Variants in HNRNPC observed in about 807,000 individuals in gnomAD.
The protein encoded by HNRNPC is heterogeneous nuclear ribonucleoprotein C.
Under a neutral mutation model 33.2 loss-of-function variants are expected in HNRNPC, and 3 were observed. The ratio of observed to expected loss-of-function variants is 0.09; its 90% CI spans 0.04 to 0.23. The LOEUF (loss-of-function observed/expected upper bound fraction) is 0.23. Among genes scored for constraint, HNRNPC ranks in the 10% least tolerant of loss-of-function variants. The probability of loss-of-function intolerance (pLI) is 1.00; values close to 1 mark genes in which losing one functional copy is unlikely to be tolerated. For synonymous variants in HNRNPC, 121 were observed against 126.7 expected (o/e 0.96, Z 0.30); for missense variants, 143 against 366.7 (o/e 0.39, Z 4.98).
chr14:21,223,375 A>C (rs1259752865), intron 5 of HNRNPC, among the ~76,000 whole-genome samples: 1 of 152,150 alleles, frequency 6.6e-6, no homozygotes, highest in Non-Finnish European at 1.5e-5. Context: ...CTACAAAGAA[A>C]TATCTCCCAC....
Position 21,210,427 on chromosome 14 carries a change from GCAT to G in HNRNPC, c.*793_*795del, listed in dbSNP as rs1413073382. On this transcript the variant is annotated 3_prime_UTR_variant, in exon 9 of 9. Transcript: ENST00000553300. ...AATTTGAGTAGTGTTGTGTTGGTAT[GCAT>G]CATGATTATGACTCCAAGAAAAATA... 1.3e-5 allele frequency: 2 copies of G among 152,504 alleles called. No homozygotes were observed. The highest frequency in any genetic ancestry group is 1.5e-5 in the Non-Finnish European group (1 of 68,038). 9.4% of individuals were successfully genotyped at this position (152,504 alleles called of 1,614,324 possible). A position where few individuals can be genotyped will look rare whatever the true frequency, so the allele number is the denominator to read the frequency against.
chr14:21,252,539 C>A (rs1351887020), intron 2 of HNRNPC, among the ~76,000 whole-genome samples: 3 of 152,212 alleles, frequency 2.0e-5, no homozygotes, highest in Non-Finnish European at 4.4e-5. Flanking sequence ...TCTCGAACTC[C>A]TGGCCTGAAG....
At chr14:21,231,312 A>G in intron 3 of HNRNPC, 1 of 611,264 alleles carries the variant, frequency 1.6e-6, no homozygotes, top group South Asian at 1.5e-5. Flanking sequence ...ACAAACTACG[A>G]AGTTTAGAAA....
chr14:21,253,735 A>T (rs1357753838), intron 2 of HNRNPC, among the ~76,000 whole-genome samples: 1 of 152,130 alleles, frequency 6.6e-6, no homozygotes, highest in Middle Eastern at 3.2e-3. Flanking sequence ...ATAAATTGCT[A>T]AACTTATTAG....
chr14:21,258,797 G>A (rs903303725), intron 2 of HNRNPC, among the ~76,000 whole-genome samples: 1 of 152,152 alleles, frequency 6.6e-6, no homozygotes, highest in African/African-American at 2.4e-5. Flanking sequence ...GACTGATTTT[G>A]CTCATTAATA....
intron 2 of HNRNPC, among the ~76,000 whole-genome samples, chr14:21,257,019 T>C (rs1216688134): frequency 1.3e-5 from 2 of 152,140 alleles, no homozygotes; most frequent in Non-Finnish European, 2.9e-5. Context: ...CCAAAATCTT[T>C]GGCCCAAGAG....
chr14:21,237,297 T>C (rs1351747659), intron 2 of HNRNPC, among the ~76,000 whole-genome samples: 1 of 152,234 alleles, frequency 6.6e-6, no homozygotes, highest in African/African-American at 2.4e-5. Context: ...CTATAGACAT[T>C]CTAGTCTTCC....
intron 5 of HNRNPC, among the ~76,000 whole-genome samples, chr14:21,214,301 T>G (rs964868700): frequency 1.3e-5 from 2 of 152,204 alleles, no homozygotes; most frequent in African/African-American, 4.8e-5. Context: ...TATACAATAG[T>G]GGCAAGTTAT....
intron 2 of HNRNPC, among the ~76,000 whole-genome samples, chr14:21,252,115 C>T (rs1451005836): frequency 1.3e-5 from 2 of 152,118 alleles, no homozygotes; most frequent in African/African-American, 2.4e-5. Flanking sequence ...ATAAGACCCC[C>T]AACTCCTAAG....
At chr14:21,218,786 G>A (rs1222227714) in intron 5 of HNRNPC, among the ~76,000 whole-genome samples, 1 of 149,396 alleles carries the variant, frequency 6.7e-6, no homozygotes, top group Non-Finnish European at 1.5e-5. Flanking sequence ...GATCGCTTGA[G>A]CCCAAGAGTT....
chr14:21,261,884 A>C (rs1440223886), intron 2 of HNRNPC, among the ~76,000 whole-genome samples: 1 of 152,188 alleles, frequency 6.6e-6, no homozygotes, highest in African/African-American at 2.4e-5. Flanking sequence ...ATCTTTACTA[A>C]TCTCTACACC....
intron 6 of HNRNPC, 37 bp from the exon 7 acceptor site, chr14:21,211,960 G>A (rs771021925): frequency 6.6e-7 from 1 of 1,504,944 alleles, no homozygotes; most frequent in Non-Finnish European, 9.2e-7. Flanking sequence ...AAAATCAAAT[G>A]TACCGAAGAT....
At chr14:21,249,039 C>T (rs1896319607) in intron 2 of HNRNPC, among the ~76,000 whole-genome samples, 2 of 152,204 alleles carry the variant, frequency 1.3e-5, no homozygotes, top group Non-Finnish European at 2.9e-5. Context: ...TAGAAGATTA[C>T]ATACCAAGGT....
intron 2 of HNRNPC, 38 bp from the exon 3 acceptor site, chr14:21,234,267 T>C (rs527580002): frequency 2.6e-5 from 39 of 1,512,698 alleles, no homozygotes; most frequent in Middle Eastern, 1.8e-4. Flanking sequence ...GAACAGATGC[T>C]AAAAACAATA....
chr14:21,209,971 T>C lies in HNRNPC; in HGVS notation c.*1252A>G, dbSNP rs1157297735. 1.3e-5 allele frequency: 2 copies of C among 152,206 alleles called. No individual in the cohort carries two copies. The highest frequency in any genetic ancestry group is 4.8e-5 in the African/African-American group (2 of 41,446). 9.4% of individuals were successfully genotyped at this position (152,206 alleles called of 1,614,324 possible). On this transcript the variant is annotated 3_prime_UTR_variant, in exon 9 of 9. Coordinates refer to ENST00000553300, the MANE Select transcript of HNRNPC (RefSeq NM_004500.4). ...ATTAGCTAACAGGGGTAAAAGATCA[T>C]TTAGAGTAAAATAAATGTGTAACAT...
chr14:21,231,039 C>T lies in HNRNPC; in HGVS notation c.275G>A (p.Arg92Gln). Reference protein sequence around the residue: ...INLAAEPKVNRGKAGVKRSAA... With the variant: ...INLAAEPKVNQGKAGVKRSAA... ...AGATCGTTTCACACCTGCTTTTCCT[C>T]GGTTCACTTTTGGCTCTGCAGCCAG... The change falls in exon 4 of 9, where the codon CGA becomes CAA. Residue 92 changes from arginine (R) to glutamine (Q), a missense_variant. Physicochemically the swap from Arg to Gln is conservative, Grantham distance 43. Transcript: ENST00000553300. 6.2e-7 allele frequency: 1 copy of T among 1,614,200 alleles called. No individual in the cohort carries two copies. Among genetic ancestry groups the T allele is most frequent in the Non-Finnish European group, 8.5e-7 (1 of 1,180,034 alleles).
chr14:21,226,898 G>GAAAAAAAAAA (rs751786293), intron 5 of HNRNPC, among the ~76,000 whole-genome samples: 2 of 78,796 alleles, frequency 2.5e-5, no homozygotes, highest in Admixed American at 1.1e-4. Context: ...AAAAAAAAGG[G>GAAAAAAAAAA]GGGGGGGGGA....
At chr14:21,226,570 A>G (rs1317026697) in intron 5 of HNRNPC, among the ~76,000 whole-genome samples, 1 of 151,994 alleles carries the variant, frequency 6.6e-6, no homozygotes, top group East Asian at 1.9e-4. Context: ...GAATATTAAA[A>G]AGAGGGCCAG....
chr14:21,228,148 T>A (rs1188820712), intron 5 of HNRNPC, among the ~76,000 whole-genome samples: 3 of 152,222 alleles, frequency 2.0e-5, no homozygotes, highest in Admixed American at 6.5e-5. Flanking sequence ...AAAGGGCAGA[T>A]GCTTCAGACA....
Sources: gnomAD v4.1 joint callset for allele counts (sites outside exome capture counted in the v4.1 genomes callset) on GRCh38, gnomAD v4.1.1 for gene constraint, MANE v1.5 for transcripts, NCBI Gene and HGNC (gene_info 2026-07-23, HGNC 2026-07-21) for gene names.